The following EFL1 variants were observed in gnomAD, a reference collection of about 807,000 sequenced individuals.
EFL1 encodes elongation factor like GTPase 1.
EFL1 carries 76 observed loss-of-function variants against 126.7 expected under a neutral mutation model. That is an observed-to-expected ratio of 0.60 (90% CI 0.50 to 0.73). The LOEUF (loss-of-function observed/expected upper bound fraction) is 0.73. EFL1 is among the 30% of genes least tolerant of loss of function. EFL1 has a pLI of 0.00. For synonymous variants in EFL1, 410 were observed against 448.4 expected, an observed-to-expected ratio of 0.91 and a Z score of 1.08; for missense variants, 1,128 against 1,343.2, an observed-to-expected ratio of 0.84 and a Z score of 2.50.
In EFL1 at chr15:82,219,749, A is replaced by G. The variant is rs763132789; in HGVS notation, c.1514T>C (p.Phe505Ser). Reference sequence around the variant, plus strand: ...ACTGAACACCCGAGCAAATGCAATAAAAGACTCTTGGTTGTTTTCTTCCTG... The same window carrying G: ...ACTGAACACCCGAGCAAATGCAATAGAAGACTCTTGGTTGTTTTCTTCCTG... Reference protein sequence around the residue: ...VLQEENNQESFIAFARVFSGV... With the variant: ...VLQEENNQESSIAFARVFSGV... The change falls in exon 14 of 20, where the codon TTT becomes TCT. Residue 505 changes from phenylalanine (F) to serine (S), a missense_variant. By Grantham distance (155) the Phe-to-Ser change is radical (BLOSUM62 -2). Transcript: ENST00000268206. 1.2e-5 allele frequency: 19 copies of G among 1,613,956 alleles called. No homozygotes were observed. Among genetic ancestry groups the G allele is most frequent in the African/African-American group, 6.7e-5 (5 of 74,914 alleles).
intron 15 of EFL1, among the ~76,000 whole-genome samples, chr15:82,199,138 C>A (rs1309417992): frequency 6.6e-6 from 1 of 152,060 alleles, no homozygotes; most frequent in African/African-American, 2.4e-5. Context: ...CACATCCTTC[C>A]ACCTCCAAAT....
At chr15:82,130,597 G>C (rs757440810) in intron 19 of EFL1, 36 bp from the exon 20 acceptor site, 14 of 1,602,256 alleles carry the variant, frequency 8.7e-6, no homozygotes, top group Non-Finnish European at 1.0e-5. Flanking sequence ...GCAAGGTTAG[G>C]CATTTTTAAT....
chr15:82,261,703 C>T lies in EFL1; in HGVS notation c.76G>A (p.Ala26Thr). 6.2e-7 allele frequency: 1 copy of T among 1,613,952 alleles called. No homozygotes were observed. The highest frequency in any genetic ancestry group is 8.5e-7 in the Non-Finnish European group (1 of 1,179,986). The stretch of plus-strand genomic sequence containing the variant: ...GTATTCTTACCATGGTCAACATGAG[C>T]CAAAACACAAATATTCCTGATGTTG... ...TANIRNICVL[A>T]HVDHGKTTLA... Residue 26 changes from alanine (A) to threonine (T), a missense_variant, in exon 2 of 20, where the codon GCT (alanine) becomes ACT (threonine). Physicochemically the swap from Ala to Thr is moderately conservative, Grantham distance 58. Coordinates refer to ENST00000268206, the MANE Select transcript of EFL1 (RefSeq NM_024580.6).
chr15:82,240,363 T>C (rs2141326497), intron 6 of EFL1, 55 bp downstream of exon 6: 3 of 1,519,368 alleles, frequency 2.0e-6, no homozygotes, highest in Non-Finnish European at 2.7e-6. Context: ...GCTCAGTAAC[T>C]TCCTTACAAC....
At chr15:82,196,392 G>A (rs995868096) in intron 15 of EFL1, among the ~76,000 whole-genome samples, 1 of 152,078 alleles carries the variant, frequency 6.6e-6, no homozygotes, top group Non-Finnish European at 1.5e-5. Context: ...GAAACTCAAG[G>A]GTTCTATATG....
At chr15:82,149,666 T>G (rs1348902540) in intron 18 of EFL1, among the ~76,000 whole-genome samples, 1 of 152,100 alleles carries the variant, frequency 6.6e-6, no homozygotes, top group African/African-American at 2.4e-5. Flanking sequence ...GAAAAACAGG[T>G]GAAGGATTTG....
chr15:82,130,779 C>A (rs1358635214), intron 19 of EFL1, among the ~76,000 whole-genome samples: 1 of 152,136 alleles, frequency 6.6e-6, no homozygotes, highest in South Asian at 2.1e-4. Context: ...AGGTGGATTG[C>A]CTGAGCTCAG....
At chr15:82,162,748 G>A (rs1421944112) in intron 16 of EFL1, among the ~76,000 whole-genome samples, 1 of 152,206 alleles carries the variant, frequency 6.6e-6, no homozygotes, top group Non-Finnish European at 1.5e-5. Context: ...TGGGGATCCA[G>A]GGATCCTTAA....
intron 2 of EFL1, among the ~76,000 whole-genome samples, chr15:82,260,959 G>A (rs1282433440): frequency 1.3e-5 from 2 of 152,188 alleles, no homozygotes; most frequent in South Asian, 2.1e-4. Context: ...ATGAAGGAGC[G>A]CTATGGAGTT....
rs187290995 is a variant in EFL1, at chr15:82,241,378, C to G, written c.270G>C (p.Leu90=). The stretch of plus-strand genomic sequence containing the variant: ...AGTCCACGTGTCCTGGAGAGTCTAT[C>G]AGATTGATCAGGTACTCCTCATTAC... The part of the protein sequence containing the change: ...ATGNEEYLIN[L]IDSPGHVDFS... Residue 90 remains leucine (L), a synonymous_variant, in exon 5 of 20, where the codon CTG becomes CTC. Transcript: ENST00000268206. 1.3e-4 allele frequency: 206 copies of G among 1,614,056 alleles called. No individual in the cohort carries two copies. The African/African-American group carries it at 2.5e-3, about 20-fold the overall frequency.
At chr15:82,191,949 C>T (rs533478365) in intron 15 of EFL1, among the ~76,000 whole-genome samples, 1 of 152,204 alleles carries the variant, frequency 6.6e-6, no homozygotes, top group East Asian at 1.9e-4. Flanking sequence ...CTCTAAAACA[C>T]ATGTTAACAG....
chr15:82,144,553 T>C (rs1425618209), intron 18 of EFL1, among the ~76,000 whole-genome samples: 1 of 152,232 alleles, frequency 6.6e-6, no homozygotes, highest in African/African-American at 2.4e-5. Flanking sequence ...CTAATTACTT[T>C]ATATAATTAA....
chr15:82,223,698 T>C (rs12592193), intron 12 of EFL1, among the ~76,000 whole-genome samples: 15,658 of 152,190 alleles, frequency 0.1, 1,170 homozygotes, highest in East Asian at 0.35. Context: ...AAACATCCAA[T>C]ATCCTACATT....
intron 17 of EFL1, 81 bp downstream of exon 17, chr15:82,157,632 A>G (rs2073981765): frequency 1.4e-6 from 2 of 1,462,318 alleles, no homozygotes; most frequent in Admixed American, 4.5e-5. Context: ...CCGCAGTCTA[A>G]GTTCAACTGG....
At chr15:82,172,628 C>T (rs116906973) in intron 15 of EFL1, among the ~76,000 whole-genome samples, 1 of 152,030 alleles carries the variant, frequency 6.6e-6, no homozygotes, top group Non-Finnish European at 1.5e-5. Context: ...TAATATACAC[C>T]GAATTTTCAG....
intron 15 of EFL1, among the ~76,000 whole-genome samples, chr15:82,209,952 T>G (rs990358117): frequency 5.3e-5 from 8 of 152,230 alleles, no homozygotes; most frequent in Non-Finnish European, 1.2e-4. Flanking sequence ...AATTTTCATC[T>G]GCACTTGATA....
chr15:82,135,061 C>T (rs1253388249), intron 19 of EFL1, among the ~76,000 whole-genome samples: 3 of 152,072 alleles, frequency 2.0e-5, no homozygotes, highest in African/African-American at 7.2e-5. Context: ...AGATCAATGA[C>T]ATTTAATTAT....
At chr15:82,201,492 C>T (rs1251697766) in intron 15 of EFL1, among the ~76,000 whole-genome samples, 2 of 152,166 alleles carry the variant, frequency 1.3e-5, no homozygotes, top group African/African-American at 2.4e-5. Context: ...GTGCTTGCAA[C>T]CCCTACTGCT....
At chr15:82,193,203 G>A (rs535243336) in intron 15 of EFL1, among the ~76,000 whole-genome samples, 1 of 152,124 alleles carries the variant, frequency 6.6e-6, no homozygotes, top group South Asian at 2.1e-4. Flanking sequence ...TGTGACTACT[G>A]GATCCTGAAA....
Sources: allele counts gnomAD v4.1 joint callset (sites outside exome capture counted in the v4.1 genomes callset), GRCh38; gene constraint gnomAD v4.1.1; transcripts MANE v1.5; gene names NCBI Gene and HGNC (gene_info 2026-07-23, HGNC 2026-07-21).